The following ST3GAL5 variants were observed in gnomAD, a reference collection of about 807,000 sequenced individuals.
ST3GAL5 encodes ST3 beta-galactoside alpha-2,3-sialyltransferase 5, also known as lactosylceramide alpha-2,3-sialyltransferase.
Under a neutral mutation model 46.1 loss-of-function variants are expected in ST3GAL5, and 25 were observed. The observed-to-expected ratio is 0.54, with a 90% CI of 0.40 to 0.76. ST3GAL5 has a LOEUF of 0.76. Among genes scored for constraint, ST3GAL5 ranks in the 30% least tolerant of loss-of-function variants. The pLI, the probability that ST3GAL5 is intolerant of heterozygous loss-of-function variation, is 0.00. For missense variants in ST3GAL5, 431 were observed against 521.2 expected, an observed-to-expected ratio of 0.83 and a Z score of 1.69; for synonymous variants, 182 against 192.7, an observed-to-expected ratio of 0.94 and a Z score of 0.46.
At chr2:85,887,418 C>T (rs931180041) in intron 1 of ST3GAL5, 8 of 152,186 alleles carry the variant, frequency 5.3e-5, no homozygotes, top group Non-Finnish European at 1.0e-4. Flanking sequence ...TGTTTCTTTT[C>T]TCGCCTAGAC....
intron 1 of ST3GAL5, among the ~76,000 whole-genome samples, chr2:85,872,937 T>A (rs1686110716): frequency 6.6e-6 from 1 of 152,214 alleles, no homozygotes; most frequent in Admixed American, 6.5e-5. Context: ...TAAAGCCGCC[T>A]AGCGACCACA....
intron 3 of ST3GAL5, chr2:85,860,845 A>AT: frequency 7.0e-6 from 2 of 286,862 alleles, no homozygotes; most frequent in Non-Finnish European, 6.7e-6. Context: ...AAAAAAAAAA[A>AT]GGGAGAAAAG....
chr2:85,839,115 G>C lies in ST3GAL5; in HGVS notation c.*1029C>G, dbSNP rs888970879. ...GAAGGAGGTTTTGGGTAGATTCATA[G>C]ACATAAGCACCCAAATTAACCAGAC... On this transcript the variant is annotated 3_prime_UTR_variant, in exon 7 of 7. Coordinates refer to ENST00000638572, the MANE Select transcript of ST3GAL5 (RefSeq NM_003896.4). 6.6e-6 allele frequency: 1 copy of C among 152,154 alleles called. No individual in the cohort carries two copies. The highest frequency in any genetic ancestry group is 2.4e-5 in the African/African-American group (1 of 41,438). 9.4% of individuals were successfully genotyped at this position (152,154 alleles called of 1,614,324 possible). A position where few individuals can be genotyped will look rare whatever the true frequency, so the allele number is the denominator to read the frequency against.
intron 4 of ST3GAL5, 21 bp downstream of exon 4, chr2:85,847,839 CA>C: frequency 1.2e-6 from 2 of 1,612,270 alleles, no homozygotes; most frequent in Non-Finnish European, 1.7e-6. Context: ...AGTAAACAAA[CA>C]AACAAAAAAA....
intron 3 of ST3GAL5, chr2:85,853,959 C>A (rs1316877421): frequency 6.6e-6 from 1 of 152,182 alleles, no homozygotes; most frequent in African/African-American, 2.4e-5. Context: ...TAAAAAAATT[C>A]TCTAGTAACA....
At chr2:85,852,713 A>T in intron 3 of ST3GAL5, 1 of 424,694 alleles carries the variant, frequency 2.4e-6, no homozygotes, top group Non-Finnish European at 4.2e-6. Flanking sequence ...CAAAGGATTA[A>T]ATCTTATGTA....
chr2:85,852,582 G>A (rs1234364969), intron 3 of ST3GAL5, among the ~76,000 whole-genome samples: 1 of 152,164 alleles, frequency 6.6e-6, no homozygotes, highest in Non-Finnish European at 1.5e-5. Context: ...GGTTGAGGGT[G>A]GGGACTGACT....
At chr2:85,860,844 A>G in intron 3 of ST3GAL5, 1 of 295,714 alleles carries the variant, frequency 3.4e-6, no homozygotes, top group Non-Finnish European at 6.5e-6. Context: ...AAAAAAAAAA[A>G]AGGGAGAAAA....
At chr2:85,851,485 C>T in intron 3 of ST3GAL5, 1 of 1,276,100 alleles carries the variant, frequency 7.8e-7, no homozygotes, top group Admixed American at 2.3e-5. Context: ...ACAGGAGGAC[C>T]ACATGGGCCA....
At position 85,844,380 on chromosome 2, in the gene ST3GAL5, G is replaced by A; in HGVS notation, c.1008+16C>T. The A allele has an allele frequency of 1.2e-6, 2 of 1,614,176 alleles. No individual in the cohort carries two copies. The highest frequency in any genetic ancestry group is 1.7e-6 in the Non-Finnish European group (2 of 1,180,014). On this transcript the variant is annotated intron_variant, in intron 6 of 6. Coordinates refer to ENST00000638572, the MANE Select transcript of ST3GAL5 (RefSeq NM_003896.4). The stretch of plus-strand genomic sequence containing the variant: ...TCAAACAGGGAATGATTAACTTTGA[G>A]TAGCAACAAAAATACCTTATCTCGG...
intron 3 of ST3GAL5, among the ~76,000 whole-genome samples, chr2:85,858,530 C>T (rs541664426): frequency 1.3e-5 from 2 of 152,140 alleles, no homozygotes; most frequent in African/African-American, 2.4e-5. Flanking sequence ...AGGCTGGTCT[C>T]GAACTCCTGA....
chr2:85,844,766 A>G, intron 5 of ST3GAL5: 1 of 627,400 alleles, frequency 1.6e-6, no homozygotes, highest in Admixed American at 2.5e-5. Flanking sequence ...CACAGGCGGC[A>G]CTGGACAAAG....
intron 3 of ST3GAL5, chr2:85,851,852 C>G: frequency 2.0e-6 from 1 of 504,572 alleles, no homozygotes; most frequent in Non-Finnish European, 3.2e-6. Flanking sequence ...TCGTAAAATA[C>G]AAGAACTCCC....
intron 1 of ST3GAL5, among the ~76,000 whole-genome samples, chr2:85,878,667 T>C (rs1311644296): frequency 6.6e-6 from 1 of 152,206 alleles, no homozygotes; most frequent in East Asian, 1.9e-4. Flanking sequence ...GCTTCTTCCA[T>C]ACACCAAGCA....
Position 85,848,218 on chromosome 2 carries a change from A to G in ST3GAL5, c.319-14T>C, listed in dbSNP as rs1273847763. On this transcript the variant is annotated splice_polypyrimidine_tract_variant and intron_variant, in intron 3 of 6. Transcript: ENST00000638572. Reference sequence around the variant, plus strand: ...TTTCTGAGCTCTCTGGAATGAAATCACACCAATCTGGGTTTTAAAAACTCT... The same window carrying G: ...TTTCTGAGCTCTCTGGAATGAAATCGCACCAATCTGGGTTTTAAAAACTCT... 3.1e-6 allele frequency: 5 copies of G among 1,614,020 alleles called. No homozygotes were observed. In the Middle Eastern group the frequency reaches 6.6e-4, roughly 213 times the overall value.
chr2:85,883,538 C>T (rs1295305521), intron 1 of ST3GAL5, among the ~76,000 whole-genome samples: 5 of 152,174 alleles, frequency 3.3e-5, no homozygotes, highest in African/African-American at 9.7e-5. Flanking sequence ...GAGGAAAGAA[C>T]GTTTCTGCCC....
intron 3 of ST3GAL5, among the ~76,000 whole-genome samples, chr2:85,851,923 G>A (rs752043241): frequency 1.3e-5 from 2 of 152,234 alleles, no homozygotes; most frequent in African/African-American, 2.4e-5. Context: ...TCCAGGCTGC[G>A]CTTGCAGGTT....
intron 2 of ST3GAL5, among the ~76,000 whole-genome samples, chr2:85,861,675 A>G (rs1224585731): frequency 6.6e-6 from 1 of 151,702 alleles, no homozygotes; most frequent in Non-Finnish European, 1.5e-5. Flanking sequence ...AAAAGAAAAG[A>G]AACAGTTTAT....
intron 1 of ST3GAL5, among the ~76,000 whole-genome samples, chr2:85,881,118 G>A (rs1687099423): frequency 6.6e-6 from 1 of 152,114 alleles, no homozygotes; most frequent in South Asian, 2.1e-4. Flanking sequence ...ATTTATCAGG[G>A]GTTTCTGCTT....
Sources: allele counts gnomAD v4.1 joint callset (sites outside exome capture counted in the v4.1 genomes callset), GRCh38; gene constraint gnomAD v4.1.1; transcripts MANE v1.5; gene names NCBI Gene and HGNC (gene_info 2026-07-23, HGNC 2026-07-21).